The following DOCK2 variants were observed in gnomAD, a reference collection of about 807,000 sequenced individuals.
DOCK2 encodes the protein dedicator of cytokinesis 2, also known as dedicator of cytokinesis protein 2.
DOCK2 carries 87 observed loss-of-function variants against 248.9 expected under a neutral mutation model. That is an observed-to-expected ratio of 0.35 (90% CI 0.29 to 0.42). The LOEUF is 0.42. Ranked by LOEUF, DOCK2 falls within the 10% of genes least tolerant of loss-of-function variation. The pLI is 1.00. For synonymous variants in DOCK2, 805 were observed against 821.6 expected, an observed-to-expected ratio of 0.98 and a Z score of 0.35; for missense variants, 1,747 against 2,300.2, an observed-to-expected ratio of 0.76 and a Z score of 4.92.
At chr5:169,903,154 G>A (rs1192732495) in intron 27 of DOCK2, among the ~76,000 whole-genome samples, 6 of 151,828 alleles carry the variant, frequency 4.0e-5, no homozygotes, top group South Asian at 4.2e-4. Context: ...GTGCATATCT[G>A]TAGTCTCAGC....
chr5:169,799,604 A>C (rs1194961125), intron 25 of DOCK2, among the ~76,000 whole-genome samples: 1 of 152,116 alleles, frequency 6.6e-6, no homozygotes, highest in East Asian at 1.9e-4. Flanking sequence ...ATTGTAAGAC[A>C]TTTTTTTACC....
At position 169,784,905 on chromosome 5, in the gene DOCK2, G is replaced by T. The variant is rs1281744186; in HGVS notation, c.2555-18153G>T. On this transcript the variant is annotated intron_variant, in intron 25 of 51. Coordinates refer to ENST00000520908, the MANE Select transcript of DOCK2 (RefSeq NM_004946.3). The stretch of plus-strand genomic sequence containing the variant: ...GGAAATTATGATGAATACATAGCAG[G>T]TTTCCCACTGAAAAACATAATGATA... 2.0e-5 allele frequency among the ~76,000 whole-genome samples: 3 copies of T among 152,294 alleles called. 1 individual carries two copies. In the East Asian group the frequency reaches 5.8e-4, roughly 29 times the overall value.
intron 1 of DOCK2, among the ~76,000 whole-genome samples, chr5:169,645,256 T>C (rs1188508789): frequency 6.6e-6 from 1 of 152,198 alleles, no homozygotes; most frequent in Non-Finnish European, 1.5e-5. Flanking sequence ...CCACCAACAG[T>C]GTAAAAGTAT....
intron 44 of DOCK2, 29 bp from the exon 45 acceptor site, chr5:170,067,481 T>G: frequency 9.4e-6 from 15 of 1,601,258 alleles, no homozygotes; most frequent in Non-Finnish European, 1.3e-5. Flanking sequence ...ACTAAGGCCC[T>G]TTCTTCTTGG....
chr5:169,726,676 A>G (rs1209089226), intron 22 of DOCK2, among the ~76,000 whole-genome samples: 1 of 152,188 alleles, frequency 6.6e-6, no homozygotes, highest in Non-Finnish European at 1.5e-5. Context: ...TTGTTAAGTC[A>G]TGGGGACCCT....
intron 27 of DOCK2, among the ~76,000 whole-genome samples, chr5:169,936,667 G>A (rs1416585331): frequency 6.8e-6 from 1 of 146,116 alleles, no homozygotes; most frequent in East Asian, 2.0e-4. Context: ...ACAGAATCTA[G>A]CATTCCCCAG....
At chr5:169,969,929 T>C (rs76583300) in intron 27 of DOCK2, among the ~76,000 whole-genome samples, 2,190 of 152,388 alleles carry the variant, frequency 0.014, 25 homozygotes, top group Middle Eastern at 0.065. Flanking sequence ...CAAGTTCTTC[T>C]GGTTTTTAAT....
chr5:169,950,876 G>A (rs138067975), intron 27 of DOCK2, among the ~76,000 whole-genome samples: 2 of 152,324 alleles, frequency 1.3e-5, no homozygotes, highest in East Asian at 1.9e-4. Flanking sequence ...GGCAGCCCAC[G>A]GGGCAGATGT....
At chr5:169,896,157 A>G (rs1264008010) in intron 27 of DOCK2, among the ~76,000 whole-genome samples, 1 of 152,050 alleles carries the variant, frequency 6.6e-6, no homozygotes, top group African/African-American at 2.4e-5. Context: ...TGAAAGAGCC[A>G]GAAACCGTTG....
At chr5:169,674,572 G>A in intron 6 of DOCK2, 127 bp downstream of exon 6, 1 of 1,418,202 alleles carries the variant, frequency 7.1e-7, no homozygotes. Flanking sequence ...AGAAGGTTGT[G>A]ACCAATGGCT....
At chr5:169,893,761 G>T (rs1773431198) in intron 27 of DOCK2, among the ~76,000 whole-genome samples, 1 of 152,094 alleles carries the variant, frequency 6.6e-6, no homozygotes, top group South Asian at 2.1e-4. Context: ...TTACTCATAG[G>T]GTACAGAGTT....
intron 9 of DOCK2, among the ~76,000 whole-genome samples, chr5:169,693,625 G>A (rs1422666331): frequency 6.6e-6 from 1 of 152,126 alleles, no homozygotes; most frequent in Non-Finnish European, 1.5e-5. Context: ...AAATTCAAAT[G>A]CCTGCAGAAG....
chr5:170,056,537 C>T, intron 42 of DOCK2, 147 bp from the exon 43 acceptor site: 1 of 619,898 alleles, frequency 1.6e-6, no homozygotes, highest in South Asian at 2.1e-5. Context: ...GAGCCCAGAA[C>T]ACAGACCTTG....
At chr5:169,864,356 G>T (rs1444097751) in intron 27 of DOCK2, 1 of 1,551,588 alleles carries the variant, frequency 6.4e-7, no homozygotes, top group Non-Finnish European at 8.7e-7. Flanking sequence ...GGTTCTGCTG[G>T]GGACTTTGGT....
chr5:169,664,797 G>A (rs916673597), intron 2 of DOCK2, among the ~76,000 whole-genome samples: 3 of 152,074 alleles, frequency 2.0e-5, no homozygotes, highest in African/African-American at 7.2e-5. Context: ...TTAAAATTTG[G>A]TATGAGATTT....
intron 27 of DOCK2, among the ~76,000 whole-genome samples, chr5:169,912,753 G>A (rs1179762700): frequency 3.3e-5 from 5 of 152,066 alleles, no homozygotes; most frequent in African/African-American, 1.2e-4. Flanking sequence ...TTTTGGTAAA[G>A]AAAGGAGGAT....
chr5:169,924,701 C>T (rs957629469), intron 27 of DOCK2, among the ~76,000 whole-genome samples: 12 of 152,106 alleles, frequency 7.9e-5, no homozygotes, highest in African/African-American at 2.7e-4. Context: ...ATCTGAGAGG[C>T]TTTTTTTGAA....
chr5:169,816,718 G>T (rs1436752313), intron 26 of DOCK2, among the ~76,000 whole-genome samples: 1 of 151,838 alleles, frequency 6.6e-6, no homozygotes, highest in African/African-American at 2.4e-5. Flanking sequence ...GTACATAGTA[G>T]GTGTATGTAT....
intron 27 of DOCK2, among the ~76,000 whole-genome samples, chr5:169,947,954 A>G (rs1381052532): frequency 2.6e-5 from 4 of 152,204 alleles, no homozygotes; most frequent in East Asian, 1.9e-4. Flanking sequence ...AGCTTCACCC[A>G]GGGGTCCTTG....
Sources: allele counts gnomAD v4.1 joint callset (sites outside exome capture counted in the v4.1 genomes callset), GRCh38; gene constraint gnomAD v4.1.1; transcripts MANE v1.5; gene names NCBI Gene and HGNC (gene_info 2026-07-23, HGNC 2026-07-21).